SASS6: variants seen among roughly 807,000 people sequenced by gnomAD.
SASS6 encodes spindle assembly abnormal protein 6 homolog.
SASS6 carries 59 observed loss-of-function variants against 94.9 expected under a neutral mutation model. The observed-to-expected ratio is 0.62, with a 90% CI of 0.50 to 0.77. SASS6 has a LOEUF of 0.77. Among genes scored for constraint, SASS6 ranks in the 30% least tolerant of loss-of-function variants. The pLI is 0.00. For synonymous variants in SASS6, 264 were observed against 270.0 expected (o/e 0.98, Z 0.22); for missense variants, 698 against 734.1 (o/e 0.95, Z 0.57).
intron 2 of SASS6, 78 bp from the exon 3 acceptor site, chr1:100,123,367 A>C: frequency 2.9e-6 from 2 of 682,074 alleles, no homozygotes; most frequent in South Asian, 3.4e-5. Flanking sequence ...AAGTAAAGAA[A>C]TCCAACAACA....
chr1:100,101,361 T>A (rs552052420), intron 14 of SASS6, among the ~76,000 whole-genome samples: 1 of 151,622 alleles, frequency 6.6e-6, no homozygotes, highest in Non-Finnish European at 1.5e-5. Context: ...TAGGGATACA[T>A]AATTAAAAGA....
chr1:100,111,864 C>T (rs998866928), intron 7 of SASS6, among the ~76,000 whole-genome samples: 1 of 152,002 alleles, frequency 6.6e-6, no homozygotes, highest in African/African-American at 2.4e-5. Flanking sequence ...GGTAAAGATG[C>T]TAACTGTAAC....
At chr1:100,122,294 G>A (rs748967939) in intron 4 of SASS6, 86 bp downstream of exon 4, 42 of 614,154 alleles carry the variant, frequency 6.8e-5, no homozygotes, top group Non-Finnish European at 1.2e-4. Flanking sequence ...CATAATAAAC[G>A]GAAAAGATTT....
chr1:100,085,627 A>C lies in SASS6; in HGVS notation c.1776T>G (p.Gly592=), dbSNP rs780629115. The change falls in exon 16 of 17, where the codon GGT becomes GGG. Residue 592 remains glycine, a synonymous_variant. Coordinates refer to ENST00000287482, the MANE Select transcript of SASS6 (RefSeq NM_194292.3). ...SMPCSTDKEN[G]ENVGLESKYL... ...ATTTGGATTCCAACCCTACATTTTC[A>C]CCACTTAAAAAGAAAATGGTAATAA... The C allele has an allele frequency of 6.3e-7, 1 of 1,592,402 alleles. No homozygotes were observed. The highest frequency in any genetic ancestry group is 8.6e-7 in the Non-Finnish European group (1 of 1,162,682).
chr1:100,097,739 G>C (rs1206837573), intron 14 of SASS6, among the ~76,000 whole-genome samples: 1 of 152,120 alleles, frequency 6.6e-6, no homozygotes, highest in Admixed American at 6.5e-5. Context: ...TAAGATAGGA[G>C]GATCACCTGA....
At chr1:100,099,691 G>A (rs768898045) in intron 14 of SASS6, among the ~76,000 whole-genome samples, 8 of 152,084 alleles carry the variant, frequency 5.3e-5, no homozygotes, top group Non-Finnish European at 1.2e-4. Flanking sequence ...GTTTCTCCTC[G>A]GTTCAAGGGT....
intron 8 of SASS6, 125 bp from the exon 9 acceptor site, chr1:100,108,129 G>T: frequency 1.9e-6 from 1 of 523,344 alleles, no homozygotes; most frequent in South Asian, 3.8e-5. Context: ...TTTTAGTACA[G>T]ATTTTTTTTT....
rs1049314743 is a variant in SASS6, at chr1:100,122,270, T to A, written c.311+110A>T. On this transcript the variant is annotated intron_variant, in intron 4 of 16. Transcript: ENST00000287482. ...GGAGGCCTAACCCCAGTTCTAAAAA[T>A]AAACAGGGATAGTCATAATAAACGG... The A allele has an allele frequency of 1.6e-5, 8 of 506,868 alleles. No individual in the cohort carries two copies. The African/African-American group carries it at 1.6e-4, about 10-fold the overall frequency. The allele number at this position is 506,868 out of a possible 1,614,324, so 31.4% of individuals were successfully genotyped here. A position where few individuals can be genotyped will look rare whatever the true frequency, so the allele number is the denominator to read the frequency against.
chr1:100,124,835 A>C (rs1654455841), intron 2 of SASS6, among the ~76,000 whole-genome samples: 1 of 152,228 alleles, frequency 6.6e-6, no homozygotes, highest in African/African-American at 2.4e-5. Flanking sequence ...GATTCTCATA[A>C]GGAGCATACA....
At chr1:100,113,127 A>G (rs1653479833) in intron 7 of SASS6, among the ~76,000 whole-genome samples, 1 of 152,150 alleles carries the variant, frequency 6.6e-6, no homozygotes, top group Non-Finnish European at 1.5e-5. Context: ...AGTACTCCAA[A>G]ATGAGGGAGG....
At chr1:100,088,653 A>G (rs1363056624) in intron 14 of SASS6, among the ~76,000 whole-genome samples, 1 of 152,126 alleles carries the variant, frequency 6.6e-6, no homozygotes, top group African/African-American at 2.4e-5. Flanking sequence ...CACCATAAAA[A>G]TACAGGCTTT....
chr1:100,102,935 G>A lies in SASS6; in HGVS notation c.1674+20C>T. On this transcript the variant is annotated intron_variant, in intron 14 of 16. Coordinates refer to ENST00000287482, the MANE Select transcript of SASS6 (RefSeq NM_194292.3). The stretch of plus-strand genomic sequence containing the variant: ...GTTGCTATATTTTTTCCCAGAACAA[G>A]TATTAGTTAATTTGGCTACCTTTGT... The A allele has an allele frequency of 6.3e-7, 1 of 1,590,420 alleles. No homozygotes were observed.
intron 14 of SASS6, among the ~76,000 whole-genome samples, chr1:100,090,773 G>A (rs1014119237): frequency 1.3e-5 from 2 of 152,056 alleles, no homozygotes; most frequent in Non-Finnish European, 2.9e-5. Context: ...CAGAAGACCA[G>A]GAAGGGGGAC....
chr1:100,098,628 T>G (rs1326491992), intron 14 of SASS6, among the ~76,000 whole-genome samples: 1 of 151,294 alleles, frequency 6.6e-6, no homozygotes, highest in African/African-American at 2.4e-5. Context: ...CCGAGATGTA[T>G]GCACAAAAAT....
At chr1:100,124,005 C>A (rs1245455356) in intron 2 of SASS6, among the ~76,000 whole-genome samples, 1 of 152,140 alleles carries the variant, frequency 6.6e-6, no homozygotes. Flanking sequence ...GCATTAGTTA[C>A]AAGATGATGT....
Position 100,085,589 on chromosome 1 carries a change from C to T in SASS6, c.1814G>A (p.Arg605Lys), listed in dbSNP as rs1487230262. 16 of 1,612,826 alleles carry T rather than the reference C, an allele frequency of 9.9e-6. No homozygotes were observed. Among genetic ancestry groups the T allele is most frequent in the Non-Finnish European group, 1.4e-5 (16 of 1,179,210 alleles). Residue 605 changes from arginine (R) to lysine (K), a missense_variant, in exon 16 of 17, where the codon AGG becomes AAG. Arg to Lys is a conservative substitution (Grantham distance 26). Coordinates refer to ENST00000287482, the MANE Select transcript of SASS6 (RefSeq NM_194292.3). ...TCCGCGTAAAGGAATGCTATCTTCCCTTTTCTTCAGGTATTTGGATTCCAA... is the reference window on the plus strand; with the variant it reads ...TCCGCGTAAAGGAATGCTATCTTCCTTTTTCTTCAGGTATTTGGATTCCAA... ...VGLESKYLKK[R>K]EDSIPLRGLS...
chr1:100,101,705 T>C (rs569485862), intron 14 of SASS6, among the ~76,000 whole-genome samples: 2 of 152,340 alleles, frequency 1.3e-5, no homozygotes, highest in African/African-American at 2.4e-5. Context: ...AATGCACATA[T>C]CTAATTCTCC....
At chr1:100,088,975 C>T (rs138265570) in intron 14 of SASS6, among the ~76,000 whole-genome samples, 11 of 151,878 alleles carry the variant, frequency 7.2e-5, no homozygotes, top group African/African-American at 2.4e-4. Flanking sequence ...AATTAGCCAA[C>T]AGAAACAGAT....
At chr1:100,098,270 C>T (rs1335521316) in intron 14 of SASS6, among the ~76,000 whole-genome samples, 1 of 150,954 alleles carries the variant, frequency 6.6e-6, no homozygotes, top group South Asian at 2.1e-4. Flanking sequence ...CAAAAAAAAA[C>T]GAATAAAAGA....
Sources: gnomAD v4.1 joint callset for allele counts (sites outside exome capture counted in the v4.1 genomes callset) on GRCh38, gnomAD v4.1.1 for gene constraint, MANE v1.5 for transcripts, NCBI Gene and HGNC (gene_info 2026-07-23, HGNC 2026-07-21) for gene names.